The following COL4A2 variants were observed in gnomAD, a reference collection of about 807,000 sequenced individuals.
The protein encoded by COL4A2 is collagen alpha-2(IV) chain.
In COL4A2, 99 loss-of-function variants were observed where a neutral mutation model predicts 200.2. The observed-to-expected ratio is 0.49, with a 90% confidence interval of 0.42 to 0.58. COL4A2 has a LOEUF of 0.58. Ranked by LOEUF, COL4A2 falls within the 20% of genes least tolerant of loss-of-function variation. COL4A2 has a pLI of 0.00. For synonymous variants in COL4A2, 897 were observed against 900.6 expected, an observed-to-expected ratio of 1.00 and a Z score of 0.07; for missense variants, 1,950 against 2,314.1, an observed-to-expected ratio of 0.84 and a Z score of 3.23.
chr13:110,385,270 A>G (rs1018103027), intron 4 of COL4A2, among the ~76,000 whole-genome samples: 1 of 152,186 alleles, frequency 6.6e-6, no homozygotes, highest in Admixed American at 6.5e-5. Flanking sequence ...TGAAAAAAAA[A>G]AAAAGTTAAA....
chr13:110,339,509 G>A (rs1382051344), intron 3 of COL4A2, among the ~76,000 whole-genome samples: 2 of 152,176 alleles, frequency 1.3e-5, no homozygotes, highest in East Asian at 3.9e-4. Context: ...TGTGAGGACT[G>A]AGCCAGAGGG....
chr13:110,458,851 G>T lies in COL4A2; in HGVS notation c.1513G>T (p.Ala505Ser), dbSNP rs753867828. The change falls in exon 22 of 48, where the codon GCA becomes TCA. Residue 505 changes from alanine to serine, a missense_variant. Physicochemically the swap from Ala to Ser is moderately conservative, Grantham distance 99. Around this residue, in one of 2 missense-constraint regions of COL4A2, gnomAD observed 1,385 missense variants for 1,720.5 expected, o/e 0.80. Coordinates refer to ENST00000360467, the MANE Select transcript of COL4A2 (RefSeq NM_001846.4). ...LPGLPGPKGFAGINGEPGRKG... is the reference protein window; with the variant it reads ...LPGLPGPKGFSGINGEPGRKG... The stretch of plus-strand genomic sequence containing the variant: ...GGGACTGCCAGGACCCAAGGGCTTC[G>T]CAGGCATCAACGGGGAGCCGGGGAG... 1 of 1,613,490 alleles carries T rather than the reference G, an allele frequency of 6.2e-7. No individual in the cohort carries two copies. Among genetic ancestry groups the T allele is most frequent in the Admixed American group, 1.7e-5 (1 of 59,980 alleles).
At chr13:110,377,874 C>T (rs1348896300) in intron 4 of COL4A2, among the ~76,000 whole-genome samples, 1 of 152,168 alleles carries the variant, frequency 6.6e-6, no homozygotes, top group Non-Finnish European at 1.5e-5. Flanking sequence ...ACAGAACTTT[C>T]TTCTTCACAG....
intron 7 of COL4A2, chr13:110,428,947 A>G (rs1268246868): frequency 2.7e-5 from 5 of 186,796 alleles, no homozygotes; most frequent in Non-Finnish European, 5.5e-5. Context: ...GTGACGTGGG[A>G]GTGCAGTTAT....
At chr13:110,413,450 T>C (rs1396949558) in intron 4 of COL4A2, among the ~76,000 whole-genome samples, 2 of 151,906 alleles carry the variant, frequency 1.3e-5, no homozygotes, top group Non-Finnish European at 2.9e-5. Context: ...CCTCCTCCAG[T>C]TGTGAGGAGG....
chr13:110,335,405 CAT>C (rs1200898203), intron 3 of COL4A2, among the ~76,000 whole-genome samples: 3 of 152,120 alleles, frequency 2.0e-5, no homozygotes, highest in African/African-American at 7.2e-5. Context: ...GAGTAAGTCT[CAT>C]GAGATCTGAT....
rs1460061616 is a variant in COL4A2 at position 110,504,013 on chromosome 13, C to T, written c.4285+20C>T. 1 of 1,552,824 alleles carries T rather than the reference C, an allele frequency of 6.4e-7. No homozygotes were observed. Among genetic ancestry groups the T allele is most frequent in the East Asian group, 2.2e-5 (1 of 44,488 alleles). Reference sequence around the variant, plus strand: ...AACCAGGTAGAGTGCTGAGCTGGGGCCTGGAGCCCCTCGGGGCTGCCCGGG... The same window carrying T: ...AACCAGGTAGAGTGCTGAGCTGGGGTCTGGAGCCCCTCGGGGCTGCCCGGG... On this transcript the variant is annotated intron_variant, in intron 44 of 47. Transcript: ENST00000360467.
chr13:110,363,798 G>T (rs1321501799), intron 4 of COL4A2, among the ~76,000 whole-genome samples: 2 of 152,230 alleles, frequency 1.3e-5, no homozygotes, highest in African/African-American at 4.8e-5. Context: ...TCCCCAAGGA[G>T]AGAATTGCGA....
At chr13:110,433,219 C>G (rs1180355043) in intron 11 of COL4A2, among the ~76,000 whole-genome samples, 1 of 152,198 alleles carries the variant, frequency 6.6e-6, no homozygotes, top group South Asian at 2.1e-4. Flanking sequence ...GGAGGGCTTG[C>G]GCTGGACGCC....
chr13:110,437,899 G>T, intron 13 of COL4A2, 103 bp from the exon 14 acceptor site: 1 of 928,098 alleles, frequency 1.1e-6, no homozygotes, highest in Middle Eastern at 2.2e-4. Context: ...ATTGTGTGAG[G>T]ATTGATTCAG....
chr13:110,310,206 A>G (rs1384615991), intron 3 of COL4A2, among the ~76,000 whole-genome samples: 3 of 152,164 alleles, frequency 2.0e-5, no homozygotes, highest in Non-Finnish European at 2.9e-5. Flanking sequence ...TTTGGATGGC[A>G]CCAAGAACAT....
chr13:110,503,826 G>T lies in COL4A2; in HGVS notation c.4139-21G>T, dbSNP rs140559511. The T allele has an allele frequency of 5.1e-5, 82 of 1,613,822 alleles. No individual in the cohort carries two copies. In the East Asian group the frequency reaches 9.4e-4, roughly 18 times the overall value. On this transcript the variant is annotated intron_variant, in intron 43 of 47. Transcript: ENST00000360467. ...GGAACGACCTTGTGTGTTTACTGGG[G>T]CCTCTCTGTTTCCCTTCCAGGTGCC...
At position 110,355,580 on chromosome 13, in the gene COL4A2, G is replaced by GTGT. The variant is rs538893459; in HGVS notation, c.100-1892_100-1891insTGT. ...GAGGGCTGTACTAGCTCACCTGTGT[G>GTGT]GGGGGAGGGCAGTACCAGCTCACCT... On this transcript the variant is annotated intron_variant, in intron 3 of 47. Transcript: ENST00000360467. Among the ~76,000 whole-genome samples, 20 of 40,756 alleles carry GTGT rather than the reference G, an allele frequency of 4.9e-4. 1 individual carries two copies. The highest frequency in any genetic ancestry group is 9.5e-4 in the African/African-American group (4 of 4,216). 26.7% of individuals were successfully genotyped at this position (40,756 alleles called of 152,430 possible).
chr13:110,375,015 G>C (rs1213106158), intron 4 of COL4A2, among the ~76,000 whole-genome samples: 1 of 151,968 alleles, frequency 6.6e-6, no homozygotes, highest in African/African-American at 2.4e-5. Flanking sequence ...TCTTTACTGG[G>C]GCCCTTTTAC....
At chr13:110,362,512 G>T (rs1877564362) in intron 4 of COL4A2, among the ~76,000 whole-genome samples, 1 of 151,582 alleles carries the variant, frequency 6.6e-6, no homozygotes. Flanking sequence ...GTGGAGATGG[G>T]ATTTTGCCAT....
intron 4 of COL4A2, among the ~76,000 whole-genome samples, chr13:110,359,092 A>G (rs1369912670): frequency 1.3e-5 from 2 of 152,208 alleles, no homozygotes; most frequent in African/African-American, 4.8e-5. Flanking sequence ...CAGTTGTATC[A>G]TTGCTAACAA....
intron 34 of COL4A2, among the ~76,000 whole-genome samples, chr13:110,488,720 C>T (rs931879432): frequency 3.3e-5 from 5 of 152,176 alleles, no homozygotes; most frequent in South Asian, 4.1e-4. Flanking sequence ...TGGGAAGTAA[C>T]GGTGCCTGCC....
At chr13:110,484,702 A>AG (rs914305849) in intron 32 of COL4A2, among the ~76,000 whole-genome samples, 49 of 152,148 alleles carry the variant, frequency 3.2e-4, no homozygotes, top group African/African-American at 1.2e-3. Flanking sequence ...CACCAGCCCC[A>AG]GGCCCAGGAC....
At chr13:110,474,039 A>C (rs1340903073) in intron 29 of COL4A2, among the ~76,000 whole-genome samples, 4 of 152,122 alleles carry the variant, frequency 2.6e-5, no homozygotes, top group Non-Finnish European at 5.9e-5. Flanking sequence ...AGGTGGGAGG[A>C]TTGCTTGAGC....
Sources: allele counts gnomAD v4.1 joint callset (sites outside exome capture counted in the v4.1 genomes callset), GRCh38; gene constraint gnomAD v4.1.1; regional missense constraint gnomAD v4.1.1; transcripts MANE v1.5; gene names NCBI Gene and HGNC (gene_info 2026-07-23, HGNC 2026-07-21).